The following LRP1B variants were observed in gnomAD, a reference collection of about 807,000 sequenced individuals.
LRP1B encodes the protein LDL receptor related protein 1B.
Under a neutral mutation model 556.6 loss-of-function variants are expected in LRP1B, and 217 were observed. That is an observed-to-expected ratio of 0.39 (90% CI 0.35 to 0.44). The LOEUF (loss-of-function observed/expected upper bound fraction) is 0.44, where lower values mean the gene tolerates loss of function less well. Among genes scored for constraint, LRP1B ranks in the 20% least tolerant of loss-of-function variants. The pLI is 1.00. For missense variants in LRP1B, 5,053 were observed against 5,620.8 expected (o/e 0.90, Z 3.23); for synonymous variants, 2,047 against 1,865.8 (o/e 1.10, Z -2.50).
At chr2:141,949,538 C>T (rs1300782613) in intron 1 of LRP1B, among the ~76,000 whole-genome samples, 1 of 152,082 alleles carries the variant, frequency 6.6e-6, no homozygotes, top group Non-Finnish European at 1.5e-5. Context: ...TACAGGTGCT[C>T]ACCACCATGC....
rs200336213 is a variant in LRP1B at position 140,973,052 on chromosome 2, T to TTATATATATATATATATA, written c.2887+9090_2887+9107dup. Among the ~76,000 whole-genome samples, 206 of 138,532 alleles carry TTATATATATATATATATA rather than the reference T, an allele frequency of 1.5e-3. No homozygotes were observed. The East Asian group carries it at 0.022, about 15-fold the overall frequency. The allele number at this position is 138,532 out of a possible 152,430, so 90.9% of individuals were successfully genotyped here. A position where few individuals can be genotyped will look rare whatever the true frequency, so the allele number is the denominator to read the frequency against. ...ATGCTTTCATTAAATATATTTCATT[T>TTATATATATATATATATA]TATATATATATATATATATATATAT... On this transcript the variant is annotated intron_variant, in intron 18 of 90. Coordinates refer to ENST00000389484, the MANE Select transcript of LRP1B (RefSeq NM_018557.3).
intron 27 of LRP1B, among the ~76,000 whole-genome samples, chr2:140,862,047 C>T (rs750850487): frequency 3.3e-5 from 5 of 152,124 alleles, no homozygotes; most frequent in Non-Finnish European, 7.4e-5. Flanking sequence ...ATCTTATCTA[C>T]ATTTTGCCTT....
chr2:141,155,203 T>C (rs1242653539), intron 7 of LRP1B, among the ~76,000 whole-genome samples: 1 of 151,812 alleles, frequency 6.6e-6, no homozygotes, highest in Non-Finnish European at 1.5e-5. Context: ...GAGAAACAAA[T>C]ATCTTACTTA....
chr2:141,256,436 A>G (rs1684468955), intron 3 of LRP1B, among the ~76,000 whole-genome samples: 1 of 152,028 alleles, frequency 6.6e-6, no homozygotes. Flanking sequence ...GAATTAATTC[A>G]CGGATTAAGT....
At chr2:140,647,140 C>A (rs1028140497) in intron 41 of LRP1B, among the ~76,000 whole-genome samples, 1 of 152,026 alleles carries the variant, frequency 6.6e-6, no homozygotes, top group African/African-American at 2.4e-5. Flanking sequence ...CAAAACATAC[C>A]ATATTCATCA....
intron 62 of LRP1B, among the ~76,000 whole-genome samples, chr2:140,451,538 G>A (rs1686886156): frequency 6.6e-6 from 1 of 152,176 alleles, no homozygotes; most frequent in Non-Finnish European, 1.5e-5. Context: ...ATAATCTGCA[G>A]TATCTTTTCC....
chr2:140,757,370 T>C (rs1350302996), intron 35 of LRP1B, among the ~76,000 whole-genome samples: 1 of 152,204 alleles, frequency 6.6e-6, no homozygotes, highest in African/African-American at 2.4e-5. Flanking sequence ...TTATTTGTAA[T>C]AGTCAACAAA....
In LRP1B at chr2:140,652,599, A is replaced by G. The variant is rs114482549; in HGVS notation, c.6799+47651T>C. Among the ~76,000 whole-genome samples the G allele has an allele frequency of 3.9e-3, 591 of 152,210 alleles. 2 individuals carry two copies. Among genetic ancestry groups the G allele is most frequent in the African/African-American group, 0.014 (568 of 41,564 alleles). The stretch of plus-strand genomic sequence containing the variant: ...ACCCCTCTATAGGACCAAGTTTTAC[A>G]AGAAATTTGTGTTATAAATTTCTGA... On this transcript the variant is annotated intron_variant, in intron 41 of 90. Transcript: ENST00000389484.
chr2:141,383,091 T>C (rs1214103738), intron 3 of LRP1B, among the ~76,000 whole-genome samples: 3 of 152,152 alleles, frequency 2.0e-5, no homozygotes, highest in Non-Finnish European at 4.4e-5. Context: ...AAAGAAGACA[T>C]ACAAATGACC....
intron 7 of LRP1B, among the ~76,000 whole-genome samples, chr2:141,143,473 C>CT (rs753209579): frequency 2.0e-5 from 3 of 152,080 alleles, no homozygotes; most frequent in Non-Finnish European, 4.4e-5. Context: ...TATTTATTGG[C>CT]TTTTTCTCTT....
intron 1 of LRP1B, among the ~76,000 whole-genome samples, chr2:141,925,960 A>G (rs959098151): frequency 2.6e-5 from 4 of 152,142 alleles, no homozygotes; most frequent in African/African-American, 9.6e-5. Flanking sequence ...AAGATTTATG[A>G]AAAAAACACA....
intron 7 of LRP1B, among the ~76,000 whole-genome samples, chr2:141,131,407 T>TTTTATATA (rs976965390): frequency 3.6e-5 from 4 of 110,684 alleles, no homozygotes; most frequent in African/African-American, 1.5e-4. Context: ...ATGCATAAAG[T>TTTTATATA]TATATATATA....
intron 3 of LRP1B, among the ~76,000 whole-genome samples, chr2:141,388,220 G>A (rs1176414675): frequency 1.3e-5 from 2 of 152,110 alleles, no homozygotes; most frequent in Non-Finnish European, 2.9e-5. Flanking sequence ...CAGATCACCT[G>A]AGGTCAGGAG....
intron 2 of LRP1B, among the ~76,000 whole-genome samples, chr2:141,752,116 T>C (rs1313066156): frequency 6.6e-6 from 1 of 152,034 alleles, no homozygotes; most frequent in Non-Finnish European, 1.5e-5. Flanking sequence ...AGGACTATAA[T>C]TTGTTTTTAT....
intron 60 of LRP1B, among the ~76,000 whole-genome samples, chr2:140,466,126 T>G (rs1415467548): frequency 1.6e-5 from 2 of 125,078 alleles, no homozygotes; most frequent in Non-Finnish European, 3.4e-5. Flanking sequence ...TCTTTTTTCT[T>G]TTTTTTTTTT....
chr2:140,725,725 A>G (rs1430854329), intron 35 of LRP1B, among the ~76,000 whole-genome samples: 1 of 152,024 alleles, frequency 6.6e-6, no homozygotes, highest in Non-Finnish European at 1.5e-5. Context: ...AGTAAAATAA[A>G]AAAGGTGGTT....
intron 2 of LRP1B, among the ~76,000 whole-genome samples, chr2:141,525,863 T>C (rs992540972): frequency 2.0e-5 from 3 of 152,054 alleles, no homozygotes; most frequent in African/African-American, 7.2e-5. Context: ...ATAAGTATAA[T>C]TATCACTTAC....
intron 35 of LRP1B, among the ~76,000 whole-genome samples, chr2:140,743,821 G>A (rs1386897646): frequency 6.6e-5 from 10 of 151,424 alleles, no homozygotes; most frequent in East Asian, 3.9e-4. Context: ...TTAGCCGGGC[G>A]TGGTGGCGGG....
At chr2:140,331,289 G>A (rs949274949) in intron 79 of LRP1B, among the ~76,000 whole-genome samples, 2 of 152,044 alleles carry the variant, frequency 1.3e-5, no homozygotes, top group African/African-American at 2.4e-5. Context: ...GATGCAGCTT[G>A]AAGCCATTAT....
Sources: allele counts gnomAD v4.1 joint callset (sites outside exome capture counted in the v4.1 genomes callset), GRCh38; gene constraint gnomAD v4.1.1; transcripts MANE v1.5; gene names NCBI Gene and HGNC (gene_info 2026-07-23, HGNC 2026-07-21).